Variants in MAPKAPK2 observed in about 807,000 individuals in gnomAD.
MAPKAPK2 encodes MAPK activated protein kinase 2.
In MAPKAPK2, 9 loss-of-function variants were observed where a neutral mutation model predicts 48.8. That is an observed-to-expected ratio of 0.18 (90% CI 0.11 to 0.32). MAPKAPK2 has a LOEUF of 0.32. MAPKAPK2 is among the 10% of genes least tolerant of loss of function. MAPKAPK2 has a pLI of 1.00. For missense variants in MAPKAPK2, 331 were observed against 498.3 expected (o/e 0.66, Z 3.20); for synonymous variants, 202 against 190.6 (o/e 1.06, Z -0.49).
At chr1:206,711,924 C>T (rs188197869) in intron 1 of MAPKAPK2, among the ~76,000 whole-genome samples, 117 of 152,226 alleles carry the variant, frequency 7.7e-4, no homozygotes, top group Non-Finnish European at 1.3e-3. Flanking sequence ...TGCCTGGCCC[C>T]GTTGTCTATT....
intron 1 of MAPKAPK2, among the ~76,000 whole-genome samples, chr1:206,701,488 A>G (rs1553427886): frequency 9.2e-5 from 14 of 152,280 alleles, no homozygotes; most frequent in Admixed American, 8.5e-4. Context: ...TTTGAAGCCC[A>G]GGTGAGAGGG....
chr1:206,690,937 C>T (rs1436806786), intron 1 of MAPKAPK2, among the ~76,000 whole-genome samples: 4 of 152,272 alleles, frequency 2.6e-5, no homozygotes, highest in African/African-American at 9.6e-5. Flanking sequence ...TTTTCCCCCT[C>T]TTCCCTGCAC....
intron 1 of MAPKAPK2, among the ~76,000 whole-genome samples, chr1:206,725,980 G>A (rs1673690357): frequency 6.6e-6 from 1 of 152,214 alleles, no homozygotes; most frequent in African/African-American, 2.4e-5. Flanking sequence ...CATAGTAGGA[G>A]CTCAGTAAAT....
At chr1:206,708,255 C>T (rs782760395) in intron 1 of MAPKAPK2, among the ~76,000 whole-genome samples, 12 of 152,340 alleles carry the variant, frequency 7.9e-5, no homozygotes, top group African/African-American at 2.4e-4. Context: ...CTTCCCCTTG[C>T]GCTTTCCTCC....
At chr1:206,708,753 C>T (rs1673043179) in intron 1 of MAPKAPK2, among the ~76,000 whole-genome samples, 1 of 152,114 alleles carries the variant, frequency 6.6e-6, no homozygotes, top group Non-Finnish European at 1.5e-5. Flanking sequence ...TAATTAATTC[C>T]CTCGTGTTGT....
intron 1 of MAPKAPK2, among the ~76,000 whole-genome samples, chr1:206,721,747 G>A (rs1673524292): frequency 6.6e-6 from 1 of 152,220 alleles, no homozygotes; most frequent in African/African-American, 2.4e-5. Flanking sequence ...TGGGGGTGAA[G>A]TGGGTGAGAT....
intron 5 of MAPKAPK2, among the ~76,000 whole-genome samples, chr1:206,730,463 A>C (rs1370788287): frequency 1.3e-5 from 2 of 152,238 alleles, no homozygotes; most frequent in African/African-American, 4.8e-5. Context: ...AGTCTCATGC[A>C]GTTCAGGATT....
At chr1:206,719,506 G>T (rs570673926) in intron 1 of MAPKAPK2, among the ~76,000 whole-genome samples, 1 of 152,204 alleles carries the variant, frequency 6.6e-6, no homozygotes, top group African/African-American at 2.4e-5. Context: ...GTGCACCCAC[G>T]TGAAGGGTCT....
At chr1:206,696,359 C>A in intron 1 of MAPKAPK2, 2 of 693,258 alleles carry the variant, frequency 2.9e-6, no homozygotes, top group South Asian at 3.4e-5. Flanking sequence ...AAACCTACAT[C>A]TTCATTATTT....
chr1:206,717,879 A>G (rs1456568295), intron 1 of MAPKAPK2, among the ~76,000 whole-genome samples: 1 of 151,984 alleles, frequency 6.6e-6, no homozygotes, highest in Non-Finnish European at 1.5e-5. Flanking sequence ...AGAAAAAAAA[A>G]TACACGCCTC....
chr1:206,708,272 C>G (rs1490914781), intron 1 of MAPKAPK2, among the ~76,000 whole-genome samples: 1 of 152,212 alleles, frequency 6.6e-6, no homozygotes, highest in Non-Finnish European at 1.5e-5. Flanking sequence ...CTCCTGTGAC[C>G]TCCCAGCCAC....
intron 1 of MAPKAPK2, among the ~76,000 whole-genome samples, chr1:206,723,414 A>G (rs1673604411): frequency 6.6e-6 from 1 of 152,212 alleles, no homozygotes; most frequent in Admixed American, 6.5e-5. Context: ...TTGTATAGCA[A>G]GCCCATGAGG....
intron 1 of MAPKAPK2, among the ~76,000 whole-genome samples, chr1:206,717,848 A>G (rs1332918242): frequency 6.6e-6 from 1 of 151,330 alleles, no homozygotes; most frequent in East Asian, 1.9e-4. Flanking sequence ...TTCAAACAAT[A>G]CATAGAGATA....
intron 1 of MAPKAPK2, among the ~76,000 whole-genome samples, chr1:206,716,820 A>G (rs1379752323): frequency 6.6e-6 from 1 of 152,000 alleles, no homozygotes; most frequent in African/African-American, 2.4e-5. Flanking sequence ...CCTAGATACT[A>G]CTAAGAACAT....
Position 206,732,433 on chromosome 1 carries a change from A to G in MAPKAPK2, c.1060-142A>G. On this transcript the variant is annotated intron_variant, in intron 9 of 9. Transcript: ENST00000367103. The surrounding 1 kb of genome is among the most constrained non-coding windows in gnomAD (Gnocchi z 4.4). ...CCGTTGTCAGCGTGGACCACTAACC[A>G]GCCCGTCTTCTCTCTCTGCTCCCAC... The G allele has an allele frequency of 2.7e-6, 4 of 1,477,056 alleles. No homozygotes were observed. The highest frequency in any genetic ancestry group is 3.6e-6 in the Non-Finnish European group (4 of 1,111,562). The allele number at this position is 1,477,056 out of a possible 1,614,324, so 91.5% of individuals were successfully genotyped here.
intron 1 of MAPKAPK2, among the ~76,000 whole-genome samples, chr1:206,722,649 C>T (rs1437144785): frequency 3.9e-5 from 6 of 152,210 alleles, no homozygotes; most frequent in Non-Finnish European, 8.8e-5. Flanking sequence ...AAGAAAATCC[C>T]TGTATAAATG....
chr1:206,707,168 G>C (rs1672989137), intron 1 of MAPKAPK2, among the ~76,000 whole-genome samples: 1 of 152,120 alleles, frequency 6.6e-6, no homozygotes, highest in Non-Finnish European at 1.5e-5. Context: ...TGTCCTGCAT[G>C]ATGAGGATCC....
chr1:206,722,220 C>T (rs1267543900), intron 1 of MAPKAPK2, among the ~76,000 whole-genome samples: 3 of 151,970 alleles, frequency 2.0e-5, no homozygotes, highest in African/African-American at 4.8e-5. Context: ...ATTAGCCAGG[C>T]GTGGTGGTGG....
chr1:206,707,179 C>T (rs543967589), intron 1 of MAPKAPK2, among the ~76,000 whole-genome samples: 22 of 152,184 alleles, frequency 1.4e-4, no homozygotes, highest in Non-Finnish European at 2.5e-4. Context: ...ATGAGGATCC[C>T]AGATTTCCCC....
Sources: gnomAD v4.1 joint callset for allele counts (sites outside exome capture counted in the v4.1 genomes callset) on GRCh38, gnomAD v4.1.1 for gene constraint, Gnocchi (gnomAD v3.1) non-coding constraint, MANE v1.5 for transcripts, NCBI Gene and HGNC (gene_info 2026-07-23, HGNC 2026-07-21) for gene names.